Variants in PRDM16 observed in about 807,000 individuals in gnomAD.
PRDM16 encodes histone-lysine N-methyltransferase PRDM16.
PRDM16 carries 23 observed loss-of-function variants against 110.6 expected under a neutral mutation model. The ratio of observed to expected loss-of-function variants is 0.21; its 90% CI spans 0.15 to 0.29. The LOEUF (loss-of-function observed/expected upper bound fraction) is 0.29. PRDM16 is among the 10% of genes least tolerant of loss of function. The pLI is 1.00. For synonymous variants in PRDM16, 799 were observed against 781.8 expected (o/e 1.02, Z -0.37); for missense variants, 1,615 against 1,794.3 (o/e 0.90, Z 1.81).
chr1:3,250,156 C>T (rs1639895511), intron 3 of PRDM16, among the ~76,000 whole-genome samples: 1 of 144,374 alleles, frequency 6.9e-6, no homozygotes, highest in African/African-American at 2.5e-5. Flanking sequence ...CCCGTTTTCA[C>T]AACTGTTGCG....
intron 2 of PRDM16, among the ~76,000 whole-genome samples, chr1:3,231,223 C>G (rs1639401240): frequency 6.6e-6 from 1 of 152,220 alleles, no homozygotes; most frequent in Non-Finnish European, 1.5e-5. Context: ...TGCCATCACC[C>G]TTACTAGGTT....
chr1:3,328,827 G>A (rs552604440), intron 3 of PRDM16, among the ~76,000 whole-genome samples: 42 of 152,216 alleles, frequency 2.8e-4, no homozygotes, highest in African/African-American at 8.9e-4. Flanking sequence ...GACCCTCTGC[G>A]CCTCCATTTC....
intron 3 of PRDM16, among the ~76,000 whole-genome samples, chr1:3,301,668 G>T (rs1381520441): frequency 1.3e-5 from 2 of 152,306 alleles, no homozygotes; most frequent in Non-Finnish European, 2.9e-5. Flanking sequence ...GATAGAGAAG[G>T]TCTGGCCAGA....
intron 1 of PRDM16, among the ~76,000 whole-genome samples, chr1:3,096,156 G>A (rs1187232923): frequency 2.6e-5 from 4 of 152,194 alleles, no homozygotes. Context: ...GGAAGGCCCC[G>A]GTGCTTTGAA....
chr1:3,112,819 G>A (rs1055468004), intron 1 of PRDM16, among the ~76,000 whole-genome samples: 1 of 152,258 alleles, frequency 6.6e-6, no homozygotes, highest in Admixed American at 6.5e-5. Flanking sequence ...CGCTCAGGGA[G>A]GCAAAGGGGT....
intron 10 of PRDM16, among the ~76,000 whole-genome samples, chr1:3,415,786 A>C (rs1041770718): frequency 6.6e-6 from 1 of 152,152 alleles, no homozygotes; most frequent in Non-Finnish European, 1.5e-5. Flanking sequence ...CGGAGCCAGG[A>C]GGTGGGGGGC....
At chr1:3,375,501 G>A (rs1255809519) in intron 3 of PRDM16, among the ~76,000 whole-genome samples, 3 of 152,202 alleles carry the variant, frequency 2.0e-5, no homozygotes, top group African/African-American at 4.8e-5. Context: ...CACGAAGGAC[G>A]AGCCACATGC....
chr1:3,082,688 G>A (rs1642058299), intron 1 of PRDM16, among the ~76,000 whole-genome samples: 2 of 152,262 alleles, frequency 1.3e-5, no homozygotes, highest in South Asian at 4.1e-4. Context: ...AGCTGGACCT[G>A]GGGGGCTGGA....
chr1:3,210,571 C>A (rs1252812280), intron 2 of PRDM16, among the ~76,000 whole-genome samples: 2 of 152,366 alleles, frequency 1.3e-5, no homozygotes, highest in South Asian at 2.1e-4. Flanking sequence ...TAAAATATTT[C>A]CCAGACATGC....
chr1:3,279,750 C>T (rs985871904), intron 3 of PRDM16, among the ~76,000 whole-genome samples: 3 of 152,106 alleles, frequency 2.0e-5, no homozygotes, highest in Admixed American at 1.3e-4. Flanking sequence ...GGGCCTCCAC[C>T]GCCTCCTGCC....
At chr1:3,253,313 C>T (rs1193249054) in intron 3 of PRDM16, among the ~76,000 whole-genome samples, 5 of 150,138 alleles carry the variant, frequency 3.3e-5, no homozygotes, top group African/African-American at 9.8e-5. Context: ...CCCAATAACT[C>T]GTCATTTAGC....
chr1:3,354,075 A>G (rs896674481), intron 3 of PRDM16, among the ~76,000 whole-genome samples: 2 of 152,218 alleles, frequency 1.3e-5, no homozygotes, highest in African/African-American at 4.8e-5. Context: ...CGTGAATTCC[A>G]GAGAGAAACC....
chr1:3,280,831 A>G (rs767116017), intron 3 of PRDM16, among the ~76,000 whole-genome samples: 4 of 152,162 alleles, frequency 2.6e-5, no homozygotes, highest in African/African-American at 7.2e-5. Context: ...TGCCCAGGAG[A>G]AATCAAAGTG....
chr1:3,101,916 G>T (rs935501935), intron 1 of PRDM16, among the ~76,000 whole-genome samples: 3 of 152,226 alleles, frequency 2.0e-5, no homozygotes, highest in Non-Finnish European at 4.4e-5. Context: ...CTGGGCTGGG[G>T]CACAGTCTTT....
chr1:3,274,219 T>C (rs942589498), intron 3 of PRDM16, among the ~76,000 whole-genome samples: 2 of 152,150 alleles, frequency 1.3e-5, no homozygotes, highest in African/African-American at 2.4e-5. Flanking sequence ...CAGGTAACTT[T>C]CATCAGGCAT....
rs79886198 is a variant in PRDM16, at chr1:3,157,206, G to A, written c.38-28919G>A. ...GCCGCTCGGCAACCGCTGAGCCGGC[G>A]CAAGAGCTCAGGCCCTCAGGGAGCG... On this transcript the variant is annotated intron_variant, in intron 1 of 16. Coordinates refer to ENST00000270722, the MANE Select transcript of PRDM16 (RefSeq NM_022114.4). This position sits in a 1 kb window ranked among gnomAD's most constrained non-coding sequence, Gnocchi z 4.8. Among the ~76,000 whole-genome samples the A allele has an allele frequency of 0.024, 3,602 of 152,270 alleles. 115 individuals carry two copies. Among genetic ancestry groups the A allele is most frequent in the East Asian group, 0.11 (569 of 5,158 alleles).
chr1:3,364,757 C>G (rs767249099), intron 3 of PRDM16, among the ~76,000 whole-genome samples: 17 of 152,238 alleles, frequency 1.1e-4, no homozygotes, highest in Non-Finnish European at 2.1e-4. Flanking sequence ...TTTTCATGGC[C>G]GGGCCAGGAG....
rs199632134 is a variant in PRDM16 at position 3,181,806 on chromosome 1, A to ATT, written c.38-4319_38-4318insTT. On this transcript the variant is annotated intron_variant, in intron 1 of 16. Transcript: ENST00000270722. The stretch of plus-strand genomic sequence containing the variant: ...CAGTCTTACACATGCAGTCTTACAC[A>ATT]CGGTCTTACACATGCGGTCTTACAC... 2.6e-3 allele frequency among the ~76,000 whole-genome samples: 345 copies of ATT among 132,378 alleles called. 3 individuals carry two copies. Among genetic ancestry groups the ATT allele is most frequent in the African/African-American group, 9.1e-3 (325 of 35,600 alleles). 86.8% of individuals were successfully genotyped at this position (132,378 alleles called of 152,430 possible).
At chr1:3,270,082 AGAGGATGACAGTCAGG>A (rs1014729352) in intron 3 of PRDM16, among the ~76,000 whole-genome samples, 1 of 150,104 alleles carries the variant, frequency 6.7e-6, no homozygotes, top group African/African-American at 2.5e-5. Flanking sequence ...GGACAGTCCC[AGAGGATGACAGTCAGG>A]GAGGATGACA....
Sources: allele counts gnomAD v4.1 joint callset (sites outside exome capture counted in the v4.1 genomes callset), GRCh38; gene constraint gnomAD v4.1.1; non-coding constraint Gnocchi (gnomAD v3.1); transcripts MANE v1.5; gene names NCBI Gene and HGNC (gene_info 2026-07-23, HGNC 2026-07-21).